WASF3: variants seen among roughly 807,000 people sequenced by gnomAD.
WASF3 encodes the protein actin-binding protein WASF3.
Under a neutral mutation model 46.6 loss-of-function variants are expected in WASF3, and 11 were observed. The observed-to-expected ratio is 0.24, with a 90% CI of 0.15 to 0.39. The LOEUF is 0.39. WASF3 is among the 10% of genes least tolerant of loss of function. WASF3 has a pLI of 1.00. For missense variants in WASF3, 576 were observed against 669.8 expected (o/e 0.86, Z 1.55); for synonymous variants, 242 against 259.7 (o/e 0.93, Z 0.65).
rs374961765 is a variant in WASF3, at chr13:26,681,299, C to T, written c.962C>T (p.Pro321Leu). Residue 321 changes from proline (P) to leucine (L), a missense_variant, in exon 8 of 10, where the codon CCG becomes CTG. Transcript: ENST00000335327. Reference sequence around the variant, plus strand: ...CCAGAGGGGTCCCAGGCCTCTGCACCGATGGCTCCAGCAGACTACGGGTAA... The same window carrying T: ...CCAGAGGGGTCCCAGGCCTCTGCACTGATGGCTCCAGCAGACTACGGGTAA... ...QAPEGSQASAPMAPADYGMLP... is the reference protein window; with the variant it reads ...QAPEGSQASALMAPADYGMLP... 8.1e-6 allele frequency: 13 copies of T among 1,606,232 alleles called. No individual in the cohort carries two copies. The highest frequency in any genetic ancestry group is 2.2e-5 in the East Asian group (1 of 44,796).
upstream of WASF3, among the ~76,000 whole-genome samples, chr13:26,554,088 CTTCCTTCCTTCTTTCTTTCT>C (rs1879037002): frequency 4.7e-4 from 13 of 27,694 alleles, no homozygotes; most frequent in South Asian, 1.7e-3. Context: ...TCCTTCCTTC[CTTCCTTCCTTCTTTCTTTCT>C]TTCTTTCTTT....
intron 1 of WASF3, among the ~76,000 whole-genome samples, chr13:26,578,014 AC>A (rs1173003769): frequency 1.3e-5 from 2 of 152,058 alleles, no homozygotes; most frequent in Non-Finnish European, 2.9e-5. Context: ...GATTCCTTAG[AC>A]TTTTTTTTAT....
intron 5 of WASF3, among the ~76,000 whole-genome samples, 190 bp downstream of exon 5, chr13:26,667,860 A>G (rs1051468663): frequency 2.0e-5 from 3 of 152,244 alleles, no homozygotes; most frequent in Non-Finnish European, 4.4e-5. Context: ...CATAATTATT[A>G]AAGTTACAGT....
chr13:26,605,322 C>T (rs900036319), intron 1 of WASF3, among the ~76,000 whole-genome samples: 3 of 152,122 alleles, frequency 2.0e-5, no homozygotes, highest in Non-Finnish European at 2.9e-5. Context: ...TCTTTTTATG[C>T]CCGTTACAAA....
intron 3 of WASF3, among the ~76,000 whole-genome samples, chr13:26,649,799 A>G (rs1882258272): frequency 6.6e-6 from 1 of 152,160 alleles, no homozygotes; most frequent in Admixed American, 6.5e-5. Context: ...AGCCCAAAAC[A>G]TCTGGGCACG....
chr13:26,618,259 A>G lies in WASF3; in HGVS notation c.-11+5201A>G, dbSNP rs148591771. Among the ~76,000 whole-genome samples the G allele has an allele frequency of 4.7e-3, 718 of 152,276 alleles. 28 individuals carry two copies. The highest frequency in any genetic ancestry group is 0.039 in the Admixed American group (604 of 15,296). On this transcript the variant is annotated intron_variant, in intron 2 of 9. Coordinates refer to ENST00000335327, the MANE Select transcript of WASF3 (RefSeq NM_006646.6). ...TTTCCTGTAATGGTTTGTTATTTAT[A>G]TATCCAGTATCTTCTAGTTGTTTGT...
At chr13:26,618,632 T>G (rs1832176229) in intron 2 of WASF3, 1 of 152,230 alleles carries the variant, frequency 6.6e-6, no homozygotes, top group Admixed American at 6.5e-5. Flanking sequence ...TCTTGTTTCT[T>G]TTAACAGCTG....
chr13:26,562,048 C>T (rs968478151), intron 1 of WASF3, among the ~76,000 whole-genome samples: 1 of 152,178 alleles, frequency 6.6e-6, no homozygotes, highest in South Asian at 2.1e-4. Flanking sequence ...TTAACATTTT[C>T]TTTGCTCAAT....
intron 7 of WASF3, among the ~76,000 whole-genome samples, chr13:26,678,966 T>G (rs1883146552): frequency 6.7e-6 from 1 of 149,460 alleles, no homozygotes; most frequent in African/African-American, 2.5e-5. Flanking sequence ...CCTCCTCCCA[T>G]GTCAGCGTTG....
At chr13:26,559,369 C>G (rs1037809872) in intron 1 of WASF3, among the ~76,000 whole-genome samples, 1 of 152,220 alleles carries the variant, frequency 6.6e-6, no homozygotes, top group African/African-American at 2.4e-5. Context: ...AGTTGGCTGA[C>G]ATGAAGTTGC....
chr13:26,573,404 T>C (rs1879698234), intron 1 of WASF3, among the ~76,000 whole-genome samples: 1 of 152,152 alleles, frequency 6.6e-6, no homozygotes, highest in South Asian at 2.1e-4. Flanking sequence ...GTTTATGGTT[T>C]TAACCATTTT....
At chr13:26,548,904 T>A in the WASF3 span, among the ~76,000 whole-genome samples, 1 of 152,110 alleles carries the variant, frequency 6.6e-6, no homozygotes, top group African/African-American at 2.4e-5. Flanking sequence ...ATCTTCCCTC[T>A]CTCTGATACG....
chr13:26,615,658 A>T (rs1881110051), intron 2 of WASF3, among the ~76,000 whole-genome samples: 1 of 152,256 alleles, frequency 6.6e-6, no homozygotes, highest in South Asian at 2.1e-4. Flanking sequence ...CATACAGTAA[A>T]CTATGCTTAT....
At chr13:26,636,586 C>T (rs537543325) in intron 2 of WASF3, among the ~76,000 whole-genome samples, 1 of 152,248 alleles carries the variant, frequency 6.6e-6, no homozygotes, top group Non-Finnish European at 1.5e-5. Context: ...CACCCATCTT[C>T]TGCGTCGATC....
chr13:26,605,194 T>C (rs1195188283), intron 1 of WASF3, among the ~76,000 whole-genome samples: 1 of 152,242 alleles, frequency 6.6e-6, no homozygotes, highest in Non-Finnish European at 1.5e-5. Context: ...CACATTTGTA[T>C]TTAATGATGG....
chr13:26,636,589 C>T (rs752089380), intron 2 of WASF3, among the ~76,000 whole-genome samples: 34 of 152,336 alleles, frequency 2.2e-4, no homozygotes, highest in African/African-American at 6.3e-4. Context: ...CCATCTTCTG[C>T]GTCGATCATG....
At chr13:26,683,153 T>A (rs1267033191) in intron 9 of WASF3, among the ~76,000 whole-genome samples, 179 bp downstream of exon 9, 1 of 152,100 alleles carries the variant, frequency 6.6e-6, no homozygotes, top group African/African-American at 2.4e-5. Flanking sequence ...TTTTGTCCAG[T>A]GTAAGGTAAT....
At position 26,646,809 on chromosome 13, in the gene WASF3, C is replaced by G. The variant is rs746660403; in HGVS notation, c.133+4406C>G. Among the ~76,000 whole-genome samples the G allele has an allele frequency of 1.7e-3, 257 of 152,212 alleles. 4 individuals are homozygous for G. Among genetic ancestry groups the G allele is most frequent in the Middle Eastern group, 6.8e-3 (2 of 294 alleles). ...TTGTTCTAGGGAAGGAAAAACAGAC[C>G]AGGACTCCACAGGGAGTTTCTTTGG... On this transcript the variant is annotated intron_variant, in intron 3 of 9. Coordinates refer to ENST00000335327, the MANE Select transcript of WASF3 (RefSeq NM_006646.6).
chr13:26,677,841 A>G (rs190839268), intron 7 of WASF3, among the ~76,000 whole-genome samples: 2 of 152,298 alleles, frequency 1.3e-5, no homozygotes, highest in African/African-American at 4.8e-5. Flanking sequence ...CATGATGTCA[A>G]TCTGCTTTTT....
Sources: gnomAD v4.1 joint callset for allele counts (sites outside exome capture counted in the v4.1 genomes callset) on GRCh38, gnomAD v4.1.1 for gene constraint, MANE v1.5 for transcripts, NCBI Gene and HGNC (gene_info 2026-07-23, HGNC 2026-07-21) for gene names.